The following C10orf90 variants were observed in gnomAD, a reference collection of about 807,000 sequenced individuals.
The protein encoded by C10orf90 is (E2-independent) E3 ubiquitin-conjugating enzyme FATS.
Under a neutral mutation model 62.5 loss-of-function variants are expected in C10orf90, and 56 were observed. The ratio of observed to expected loss-of-function variants is 0.90; its 90% CI spans 0.72 to 1.12. The LOEUF is 1.12. Among genes scored for constraint, C10orf90 ranks in the 50% most tolerant of loss-of-function variants. The pLI is 0.00. For missense variants in C10orf90, 970 were observed against 880.4 expected, an observed-to-expected ratio of 1.10 and a Z score of -1.29; for synonymous variants, 386 against 340.4, an observed-to-expected ratio of 1.13 and a Z score of -1.47.
chr10:126,660,473 G>T (rs1325530823), intron 1 of C10orf90, among the ~76,000 whole-genome samples: 1 of 152,212 alleles, frequency 6.6e-6, no homozygotes, highest in Non-Finnish European at 1.5e-5. Flanking sequence ...TCCTCTAAAA[G>T]CTGAGAATGT....
chr10:126,459,712 G>A (rs907735744), intron 6 of C10orf90, among the ~76,000 whole-genome samples: 2 of 152,166 alleles, frequency 1.3e-5, no homozygotes, highest in Non-Finnish European at 2.9e-5. Flanking sequence ...CCACAACTGC[G>A]GCTGAAGGAA....
intron 2 of C10orf90, among the ~76,000 whole-genome samples, chr10:126,607,064 T>TCCAAAGTA: frequency 6.6e-6 from 1 of 152,182 alleles, no homozygotes; most frequent in African/African-American, 2.4e-5. Context: ...GGAGTTACCA[T>TCCAAAGTA]TTGCACAGAT....
chr10:126,610,670 A>G (rs897504475), intron 2 of C10orf90, among the ~76,000 whole-genome samples: 16 of 152,362 alleles, frequency 1.1e-4, no homozygotes, highest in African/African-American at 3.8e-4. Flanking sequence ...AATATTCATT[A>G]TCATTCTCTC....
intron 2 of C10orf90, among the ~76,000 whole-genome samples, chr10:126,559,173 C>T (rs1024653145): frequency 2.6e-5 from 4 of 152,238 alleles, no homozygotes; most frequent in African/African-American, 9.6e-5. Flanking sequence ...AGGCCAATGC[C>T]TATGCCCTGT....
At chr10:126,597,677 G>A (rs1009744133) in intron 2 of C10orf90, among the ~76,000 whole-genome samples, 6 of 152,168 alleles carry the variant, frequency 3.9e-5, no homozygotes, top group Non-Finnish European at 8.8e-5. Flanking sequence ...ATAGAACTGG[G>A]TGCATTTGGG....
chr10:126,499,856 A>C (rs1160855391), intron 4 of C10orf90, among the ~76,000 whole-genome samples: 4 of 152,222 alleles, frequency 2.6e-5, no homozygotes, highest in Admixed American at 6.5e-5. Context: ...CCATCATCAG[A>C]AGATTTTGCT....
chr10:126,473,980 C>T (rs188484090), intron 4 of C10orf90, among the ~76,000 whole-genome samples: 1 of 152,264 alleles, frequency 6.6e-6, no homozygotes, highest in East Asian at 1.9e-4. Flanking sequence ...AGAACAAAAG[C>T]AAGCAGATTT....
intron 2 of C10orf90, chr10:126,522,807 G>C (rs550888667): frequency 6.6e-6 from 1 of 152,338 alleles, no homozygotes; most frequent in East Asian, 1.9e-4. Flanking sequence ...GGTAAAAGTA[G>C]AACAGCTTGA....
intron 8 of C10orf90, among the ~76,000 whole-genome samples, chr10:126,427,055 T>C (rs1359422473): frequency 2.2e-4 from 33 of 152,236 alleles, no homozygotes; most frequent in Admixed American, 2.1e-3. Flanking sequence ...AGGCTGGGAT[T>C]CAAACCTTGG....
At chr10:126,590,036 G>A (rs750581471) in intron 2 of C10orf90, among the ~76,000 whole-genome samples, 10 of 152,214 alleles carry the variant, frequency 6.6e-5, no homozygotes, top group Non-Finnish European at 1.3e-4. Flanking sequence ...AAAAGCAGGG[G>A]TTGCAATCCT....
intron 2 of C10orf90, among the ~76,000 whole-genome samples, chr10:126,621,965 C>T (rs867707141): frequency 2.0e-5 from 3 of 152,004 alleles, no homozygotes; most frequent in Non-Finnish European, 4.4e-5. Flanking sequence ...CACACCACCC[C>T]CTAACTGGCT....
chr10:126,457,962 C>T (rs1859691610), intron 7 of C10orf90, among the ~76,000 whole-genome samples: 1 of 152,172 alleles, frequency 6.6e-6, no homozygotes, highest in Non-Finnish European at 1.5e-5. Context: ...TGGAACTTGT[C>T]ATGAGGAGGG....
chr10:126,496,024 C>T (rs1862033845), intron 4 of C10orf90, among the ~76,000 whole-genome samples: 1 of 152,196 alleles, frequency 6.6e-6, no homozygotes, highest in Admixed American at 6.5e-5. Flanking sequence ...ATTCCCAAGC[C>T]CGTGGTGCTT....
intron 2 of C10orf90, among the ~76,000 whole-genome samples, chr10:126,630,265 A>G (rs1845826569): frequency 6.6e-6 from 1 of 152,164 alleles, no homozygotes; most frequent in Non-Finnish European, 1.5e-5. Flanking sequence ...CATTCAGCAA[A>G]TCCTGTCTGG....
Position 126,670,387 on chromosome 10 carries a change from T to G in C10orf90, c.94A>C (p.Thr32Pro). 2.2e-6 allele frequency: 1 copy of G among 456,724 alleles called. No individual in the cohort carries two copies. The highest frequency in any genetic ancestry group is 1.5e-5 in the South Asian group (1 of 64,562). The allele number at this position is 456,724 out of a possible 1,614,324, so 28.3% of individuals were successfully genotyped here. A position where few individuals can be genotyped will look rare whatever the true frequency, so the allele number is the denominator to read the frequency against. ...TGGTTTTTCAACTCTGTACTAAATGTTTTTATCTGGAAAGTCCGATGCACG... is the reference window on the plus strand; with the variant it reads ...TGGTTTTTCAACTCTGTACTAAATGGTTTTATCTGGAAAGTCCGATGCACG... Reference protein sequence around the residue: ...TAVHRTFQIKTFSTELKNHVM... With the variant: ...TAVHRTFQIKPFSTELKNHVM... Residue 32 changes from threonine (T) to proline (P), a missense_variant, in exon 1 of 10, where the codon ACA (threonine) becomes CCA (proline). Coordinates refer to ENST00000488181, the MANE Select transcript of C10orf90 (RefSeq NM_001350921.2).
chr10:126,543,092 T>A (rs568687265), intron 2 of C10orf90, among the ~76,000 whole-genome samples: 1 of 152,230 alleles, frequency 6.6e-6, no homozygotes, highest in African/African-American at 2.4e-5. Context: ...ATAAATTACA[T>A]ATATGTGTTT....
At chr10:126,564,996 TTATATATAA>T (rs1239500620) in intron 2 of C10orf90, among the ~76,000 whole-genome samples, 13 of 13,110 alleles carry the variant, frequency 9.9e-4, no homozygotes, top group African/African-American at 2.8e-3. Flanking sequence ...AAAATATATA[TTATATATAA>T]TATATATAAT....
chr10:126,664,063 A>G (rs1846574040), intron 1 of C10orf90, among the ~76,000 whole-genome samples: 1 of 152,154 alleles, frequency 6.6e-6, no homozygotes, highest in Admixed American at 6.5e-5. Context: ...CCGTGATGGA[A>G]TTTGCAGCTG....
At chr10:126,659,113 G>A (rs541377538) in intron 1 of C10orf90, among the ~76,000 whole-genome samples, 2 of 152,132 alleles carry the variant, frequency 1.3e-5, no homozygotes, top group African/African-American at 2.4e-5. Context: ...TAAGCACACG[G>A]CATCTCCCAT....
Sources: allele counts gnomAD v4.1 joint callset (sites outside exome capture counted in the v4.1 genomes callset), GRCh38; gene constraint gnomAD v4.1.1; transcripts MANE v1.5; gene names NCBI Gene and HGNC (gene_info 2026-07-23, HGNC 2026-07-21).